EYS: variants seen among roughly 807,000 people sequenced by gnomAD.
The protein encoded by EYS is EGF-like photoreceptor maintenance factor.
A neutral mutation model predicts 282.1 loss-of-function variants in EYS; 250 were observed. The ratio of observed to expected loss-of-function variants is 0.89; its 90% CI spans 0.80 to 0.98. The LOEUF (loss-of-function observed/expected upper bound fraction) is 0.98, where lower values mean the gene tolerates loss of function less well. Among genes scored for constraint, EYS ranks in the 50% least tolerant of loss-of-function variants. EYS has a pLI of 0.00. For missense variants in EYS, 4,016 were observed against 3,709.0 expected (o/e 1.08, Z -2.15); for synonymous variants, 1,355 against 1,282.9 (o/e 1.06, Z -1.20).
chr6:63,880,740 G>A (rs542591724), intron 35 of EYS, among the ~76,000 whole-genome samples: 2 of 152,050 alleles, frequency 1.3e-5, no homozygotes, highest in Non-Finnish European at 2.9e-5. Flanking sequence ...CCTGAAAGGG[G>A]TAATTTCAGT....
intron 35 of EYS, among the ~76,000 whole-genome samples, chr6:63,963,101 G>A (rs1184308119): frequency 7.2e-6 from 1 of 139,688 alleles, no homozygotes; most frequent in Non-Finnish European, 1.5e-5. Flanking sequence ...ACACACAGGG[G>A]CCTGTTGTGG....
intron 22 of EYS, among the ~76,000 whole-genome samples, chr6:64,728,471 G>A (rs901689851): frequency 6.7e-4 from 102 of 152,000 alleles, no homozygotes; most frequent in African/African-American, 2.2e-3. Flanking sequence ...AGTAGCTGGG[G>A]CTACAGGCGC....
chr6:64,241,758 C>T (rs894453645), intron 30 of EYS, among the ~76,000 whole-genome samples: 1 of 151,346 alleles, frequency 6.6e-6, no homozygotes, highest in Non-Finnish European at 1.5e-5. Flanking sequence ...TTTGCTCTTG[C>T]TTCTCTAGTT....
intron 8 of EYS, among the ~76,000 whole-genome samples, chr6:65,384,063 T>C (rs1765713929): frequency 6.6e-6 from 1 of 151,926 alleles, no homozygotes. Flanking sequence ...ACCACTAGAC[T>C]GATTTTATTT....
chr6:63,887,437 G>C (rs1773291726), intron 35 of EYS, among the ~76,000 whole-genome samples: 1 of 149,432 alleles, frequency 6.7e-6, no homozygotes, highest in South Asian at 2.1e-4. Flanking sequence ...AGTGATTTCT[G>C]CATTTCCAAC....
intron 2 of EYS, among the ~76,000 whole-genome samples, chr6:65,584,972 T>A (rs969285053): frequency 6.6e-6 from 1 of 151,442 alleles, no homozygotes; most frequent in Non-Finnish European, 1.5e-5. Flanking sequence ...AAAGTACAAT[T>A]TTGTTCAAAC....
intron 35 of EYS, among the ~76,000 whole-genome samples, chr6:63,918,775 G>C (rs2149742254): frequency 6.6e-6 from 1 of 152,320 alleles, no homozygotes; most frequent in South Asian, 2.1e-4. Flanking sequence ...ACTAACTAAA[G>C]AGGTAGAGAA....
chr6:65,028,936 A>G (rs961845496), intron 13 of EYS, among the ~76,000 whole-genome samples: 2 of 152,018 alleles, frequency 1.3e-5, no homozygotes, highest in East Asian at 1.9e-4. Context: ...GTATTTGTCT[A>G]TTTTTCAATT....
intron 1 of EYS, among the ~76,000 whole-genome samples, chr6:65,703,528 T>A (rs1769761123): frequency 6.6e-6 from 1 of 151,816 alleles, no homozygotes; most frequent in Non-Finnish European, 1.5e-5. Flanking sequence ...TATATTCCTA[T>A]CAAAAATTTG....
chr6:64,503,784 C>CAT (rs34600794), intron 26 of EYS, among the ~76,000 whole-genome samples: 59,565 of 151,826 alleles, frequency 0.39, 11,992 homozygotes, highest in African/African-American at 0.5. Context: ...ACCTAAATAT[C>CAT]ATCAAATTGT....
chr6:63,970,401 C>T (rs1414984111), intron 35 of EYS, among the ~76,000 whole-genome samples: 2 of 151,986 alleles, frequency 1.3e-5, no homozygotes, highest in Admixed American at 6.6e-5. Flanking sequence ...TTTGGGAGGC[C>T]GAGGTGGCCA....
intron 1 of EYS, among the ~76,000 whole-genome samples, chr6:65,695,900 T>C (rs1769437746): frequency 1.3e-5 from 2 of 152,008 alleles, no homozygotes; most frequent in South Asian, 4.1e-4. Context: ...TCTGTATTTA[T>C]AGTGTTAAGA....
chr6:64,370,947 T>C (rs893157856), intron 29 of EYS, among the ~76,000 whole-genome samples: 2 of 152,100 alleles, frequency 1.3e-5, no homozygotes, highest in African/African-American at 2.4e-5. Context: ...ATCTATCATA[T>C]TAATTCTTTC....
At chr6:64,052,638 CT>C in intron 33 of EYS, among the ~76,000 whole-genome samples, 1 of 152,258 alleles carries the variant, frequency 6.6e-6, no homozygotes. Flanking sequence ...TATGGTTTGG[CT>C]CTGTGTCTCC....
intron 22 of EYS, among the ~76,000 whole-genome samples, chr6:64,709,509 G>A (rs1264570056): frequency 6.6e-6 from 1 of 151,844 alleles, no homozygotes; most frequent in Non-Finnish European, 1.5e-5. Context: ...ATATTCAATA[G>A]GCTACCAAAT....
chr6:63,795,009 A>G (rs1008779927), intron 37 of EYS, among the ~76,000 whole-genome samples: 1 of 152,242 alleles, frequency 6.6e-6, no homozygotes, highest in Non-Finnish European at 1.5e-5. Flanking sequence ...AAGTGACTCT[A>G]CATGAATAGT....
chr6:63,937,477 T>A (rs1341552113), intron 35 of EYS, among the ~76,000 whole-genome samples: 1 of 144,742 alleles, frequency 6.9e-6, no homozygotes, highest in Non-Finnish European at 1.5e-5. Context: ...GCCTCCCGGG[T>A]TCACGCCATT....
At chr6:63,778,311 A>T (rs895195695) in intron 39 of EYS, 131 bp from the exon 40 acceptor site, 96 of 972,480 alleles carry the variant, frequency 9.9e-5, no homozygotes, top group Non-Finnish European at 1.4e-4. Context: ...TAAAAGAAAT[A>T]TAAGAATACA....
intron 12 of EYS, among the ~76,000 whole-genome samples, chr6:65,162,715 T>A (rs1236631005): frequency 6.6e-6 from 1 of 151,124 alleles, no homozygotes. Flanking sequence ...ATCCTGATAA[T>A]TTTTCTTATA....
Sources: allele counts gnomAD v4.1 joint callset (sites outside exome capture counted in the v4.1 genomes callset), GRCh38; gene constraint gnomAD v4.1.1; transcripts MANE v1.5; gene names NCBI Gene and HGNC (gene_info 2026-07-23, HGNC 2026-07-21).